The following AGBL1 variants were observed in gnomAD, a reference collection of about 807,000 sequenced individuals.
AGBL1 encodes the protein cytosolic carboxypeptidase 4.
Under a neutral mutation model 118.9 loss-of-function variants are expected in AGBL1, and 130 were observed. The observed-to-expected ratio is 1.09, with a 90% CI of 0.95 to 1.26. The LOEUF (loss-of-function observed/expected upper bound fraction) is 1.26. AGBL1 is among the 50% of genes most tolerant of loss of function. The probability of loss-of-function intolerance (pLI) is 0.00; values close to 1 mark genes in which losing one functional copy is unlikely to be tolerated. For missense variants in AGBL1, 1,584 were observed against 1,298.1 expected (o/e 1.22, Z -3.38); for synonymous variants, 555 against 478.9 (o/e 1.16, Z -2.08).
intron 18 of AGBL1, among the ~76,000 whole-genome samples, chr15:86,430,658 T>C (rs2081924799): frequency 1.3e-5 from 2 of 152,208 alleles, no homozygotes; most frequent in South Asian, 2.1e-4. Context: ...GATGCTTTAA[T>C]AGATGCATCA....
At chr15:86,534,295 G>T (rs957894049) in intron 19 of AGBL1, among the ~76,000 whole-genome samples, 1 of 152,108 alleles carries the variant, frequency 6.6e-6, no homozygotes, top group Non-Finnish European at 1.5e-5. Context: ...TTCTCTCAGG[G>T]TTATGGAAAA....
At chr15:86,084,353 G>C (rs951243391) in intron 1 of AGBL1, among the ~76,000 whole-genome samples, 1 of 152,140 alleles carries the variant, frequency 6.6e-6, no homozygotes, top group African/African-American at 2.4e-5. Flanking sequence ...CAATTATTAA[G>C]GGTCCACTTG....
intron 1 of AGBL1, among the ~76,000 whole-genome samples, chr15:86,089,002 G>T (rs1895852997): frequency 6.6e-6 from 1 of 152,136 alleles, no homozygotes; most frequent in East Asian, 1.9e-4. Context: ...ATAAATGTTT[G>T]TTGATTGACT....
Position 86,152,181 on chromosome 15 carries a change from A to G in AGBL1, c.263-2249A>G, listed in dbSNP as rs569390282. 9.9e-5 allele frequency among the ~76,000 whole-genome samples: 15 copies of G among 152,278 alleles called. No individual in the cohort carries two copies. In the South Asian group the frequency reaches 3.1e-3, roughly 32 times the overall value. On this transcript the variant is annotated intron_variant, in intron 3 of 22. Coordinates refer to ENST00000614907, the MANE Select transcript of AGBL1 (RefSeq NM_001386094.1). ...GGAAAAAACTATTTTTAAATTTCAT[A>G]TGGAATCAAAAAAGAGCATGCATTG...
At chr15:86,511,857 A>T (rs577244040) in intron 18 of AGBL1, among the ~76,000 whole-genome samples, 1 of 152,166 alleles carries the variant, frequency 6.6e-6, no homozygotes, top group Non-Finnish European at 1.5e-5. Context: ...GGAGCTTTCA[A>T]TATTAAATGA....
At chr15:86,785,433 G>T (rs2078396905) in intron 22 of AGBL1, among the ~76,000 whole-genome samples, 1 of 147,354 alleles carries the variant, frequency 6.8e-6, no homozygotes, top group Non-Finnish European at 1.5e-5. Context: ...ACAGTGTAGT[G>T]GTGTGATCTC....
At chr15:86,547,751 G>A (rs557440019) in intron 20 of AGBL1, among the ~76,000 whole-genome samples, 2 of 152,244 alleles carry the variant, frequency 1.3e-5, no homozygotes, top group South Asian at 2.1e-4. Flanking sequence ...CTGTGAGTGG[G>A]TCAGTTGTCT....
intron 19 of AGBL1, among the ~76,000 whole-genome samples, chr15:86,538,662 C>G (rs1430116699): frequency 6.6e-6 from 1 of 152,196 alleles, no homozygotes; most frequent in African/African-American, 2.4e-5. Context: ...TAGGCTTCAG[C>G]CTTGCCTTCA....
At chr15:86,373,606 A>G (rs2080998476) in intron 17 of AGBL1, among the ~76,000 whole-genome samples, 1 of 152,220 alleles carries the variant, frequency 6.6e-6, no homozygotes, top group Non-Finnish European at 1.5e-5. Context: ...AATCCAGATC[A>G]GAGAACCAAG....
chr15:86,635,902 G>A (rs2085073997), intron 21 of AGBL1, among the ~76,000 whole-genome samples: 1 of 152,106 alleles, frequency 6.6e-6, no homozygotes, highest in South Asian at 2.1e-4. Flanking sequence ...CCTAACTTTT[G>A]TGTCCCAACA....
chr15:86,747,373 T>C (rs963205705), intron 22 of AGBL1, among the ~76,000 whole-genome samples: 1 of 152,046 alleles, frequency 6.6e-6, no homozygotes, highest in Admixed American at 6.6e-5. Context: ...AACTGACAGA[T>C]AAAAATTGAA....
intron 22 of AGBL1, among the ~76,000 whole-genome samples, chr15:86,905,268 G>A (rs1399068393): frequency 6.6e-6 from 1 of 152,188 alleles, no homozygotes; most frequent in African/African-American, 2.4e-5. Context: ...CAGGATGCAA[G>A]GCAGGACATT....
chr15:87,002,798 A>G (rs1458815351), intron 24 of AGBL1, among the ~76,000 whole-genome samples: 1 of 152,072 alleles, frequency 6.6e-6, no homozygotes. Context: ...TTGGTGTATA[A>G]GAATGCTTGT....
chr15:86,620,235 C>T (rs760686884), intron 21 of AGBL1, among the ~76,000 whole-genome samples: 1 of 152,182 alleles, frequency 6.6e-6, no homozygotes, highest in African/African-American at 2.4e-5. Flanking sequence ...AGGAGGATTC[C>T]GGGATGTGTT....
rs59417397 is a variant in AGBL1, at chr15:86,433,266, CTT to C, written c.2555+35746_2555+35747del. On this transcript the variant is annotated intron_variant, in intron 18 of 22. Transcript: ENST00000614907. ...TCTCCTCCTCCTCCTCCTCCTTCTT[CTT>C]TTTTTTTTTTTTTTTTTTTTTTTTT... Among the ~76,000 whole-genome samples, 125 of 74,872 alleles carry C rather than the reference CTT, an allele frequency of 1.7e-3. 1 individual carries two copies. The highest frequency in any genetic ancestry group is 5.9e-3 in the African/African-American group (112 of 18,982). 49.1% of individuals were successfully genotyped at this position (74,872 alleles called of 152,430 possible).
chr15:86,324,038 T>G (rs2080145513), intron 17 of AGBL1, among the ~76,000 whole-genome samples: 1 of 152,216 alleles, frequency 6.6e-6, no homozygotes, highest in African/African-American at 2.4e-5. Context: ...AAATGCTTCA[T>G]GTGCTATAAG....
chr15:86,552,084 C>A (rs941300342), intron 20 of AGBL1, among the ~76,000 whole-genome samples: 8 of 152,068 alleles, frequency 5.3e-5, no homozygotes, highest in Non-Finnish European at 1.0e-4. Flanking sequence ...TTTTTTCAAA[C>A]CCATAAGATG....
At chr15:86,547,538 TG>T (rs2142256072) in intron 20 of AGBL1, among the ~76,000 whole-genome samples, 1 of 152,308 alleles carries the variant, frequency 6.6e-6, no homozygotes. Flanking sequence ...TTAATTTTTG[TG>T]AATAATTCAT....
At chr15:86,123,672 G>T (rs1271165793) in intron 1 of AGBL1, among the ~76,000 whole-genome samples, 1 of 152,178 alleles carries the variant, frequency 6.6e-6, no homozygotes, top group East Asian at 1.9e-4. Context: ...GCTTCTAGTT[G>T]TCTCACCTTT....
Sources: gnomAD v4.1 joint callset for allele counts (sites outside exome capture counted in the v4.1 genomes callset) on GRCh38, gnomAD v4.1.1 for gene constraint, MANE v1.5 for transcripts, NCBI Gene and HGNC (gene_info 2026-07-23, HGNC 2026-07-21) for gene names.